Variants in SYT16 observed in about 807,000 individuals in gnomAD.
The protein encoded by SYT16 is synaptotagmin 16, also known as synaptotagmin-16.
Under a neutral mutation model 61.4 loss-of-function variants are expected in SYT16, and 42 were observed. The ratio of observed to expected loss-of-function variants is 0.68; its 90% CI spans 0.53 to 0.89. SYT16 has a LOEUF of 0.89. Among genes scored for constraint, SYT16 ranks in the 40% least tolerant of loss-of-function variants. The probability of loss-of-function intolerance (pLI) is 0.00; values close to 1 mark genes in which losing one functional copy is unlikely to be tolerated. For missense variants in SYT16, 804 were observed against 807.3 expected, an observed-to-expected ratio of 1.00 and a Z score of 0.05; for synonymous variants, 314 against 302.3, an observed-to-expected ratio of 1.04 and a Z score of -0.40.
intron 1 of SYT16, among the ~76,000 whole-genome samples, chr14:61,922,435 A>G (rs1369575835): frequency 1.3e-5 from 2 of 152,212 alleles, no homozygotes; most frequent in African/African-American, 4.8e-5. Flanking sequence ...TCAGGAACAG[A>G]AAACCAAATA....
chr14:61,991,612 C>G (rs1396399691), intron 2 of SYT16, among the ~76,000 whole-genome samples: 1 of 152,112 alleles, frequency 6.6e-6, no homozygotes, highest in African/African-American at 2.4e-5. Flanking sequence ...CAGATTCTAG[C>G]TGTAGGTTTC....
chr14:62,002,761 A>T (rs934130479), intron 3 of SYT16, among the ~76,000 whole-genome samples: 1 of 152,136 alleles, frequency 6.6e-6, no homozygotes, highest in Non-Finnish European at 1.5e-5. Flanking sequence ...TTGCTGTTGT[A>T]TTAGTGCATT....
At chr14:61,929,654 T>C (rs971400029) in intron 1 of SYT16, among the ~76,000 whole-genome samples, 1 of 152,230 alleles carries the variant, frequency 6.6e-6, no homozygotes, top group African/African-American at 2.4e-5. Flanking sequence ...TGCTGGAGCA[T>C]TGATGTCTCT....
intron 3 of SYT16, among the ~76,000 whole-genome samples, chr14:62,010,650 G>C (rs1044424309): frequency 6.6e-6 from 1 of 152,098 alleles, no homozygotes; most frequent in Non-Finnish European, 1.5e-5. Flanking sequence ...TCAGGTATAG[G>C]ATCATCACAG....
intron 1 of SYT16, among the ~76,000 whole-genome samples, chr14:61,864,476 G>A (rs531346699): frequency 6.6e-6 from 1 of 152,380 alleles, no homozygotes; most frequent in South Asian, 2.1e-4. Flanking sequence ...GTCCACTGGC[G>A]CAGTACTTGG....
At chr14:61,890,463 G>A (rs933031479) in intron 1 of SYT16, among the ~76,000 whole-genome samples, 4 of 150,188 alleles carry the variant, frequency 2.7e-5, no homozygotes, top group Non-Finnish European at 5.9e-5. Flanking sequence ...GTAGTTGGGT[G>A]GTCTTAAATA....
chr14:62,010,795 A>G (rs1025312582), intron 3 of SYT16, among the ~76,000 whole-genome samples: 3 of 152,106 alleles, frequency 2.0e-5, no homozygotes, highest in African/African-American at 7.2e-5. Context: ...TTAAGCTGTA[A>G]TATCAGAGCC....
chr14:61,969,545 A>G (rs1180642784), intron 1 of SYT16, among the ~76,000 whole-genome samples: 1 of 152,234 alleles, frequency 6.6e-6, no homozygotes, highest in Non-Finnish European at 1.5e-5. Context: ...CAAAACTACA[A>G]TTTGCATTTC....
chr14:61,958,749 T>C (rs1419567146), intron 1 of SYT16, among the ~76,000 whole-genome samples: 3 of 152,102 alleles, frequency 2.0e-5, no homozygotes, highest in Non-Finnish European at 4.4e-5. Context: ...GAATGTTCTG[T>C]ATGTATCTGT....
At chr14:61,976,713 TTGTCCTCCTAGGACTC>T (rs1302305037) in intron 2 of SYT16, among the ~76,000 whole-genome samples, 3 of 152,022 alleles carry the variant, frequency 2.0e-5, no homozygotes, top group African/African-American at 7.2e-5. Flanking sequence ...CAAAAACATT[TTGTCCTCCTAGGACTC>T]TGAGCCTGTG....
intron 1 of SYT16, among the ~76,000 whole-genome samples, chr14:61,944,116 G>C (rs964779942): frequency 6.6e-6 from 1 of 152,144 alleles, no homozygotes; most frequent in Non-Finnish European, 1.5e-5. Flanking sequence ...CAAATCATGA[G>C]TGAATTCCCA....
intron 1 of SYT16, among the ~76,000 whole-genome samples, chr14:61,829,149 T>C (rs1363629320): frequency 6.6e-6 from 1 of 152,236 alleles, no homozygotes; most frequent in Non-Finnish European, 1.5e-5. Flanking sequence ...TTATGAGTGA[T>C]ATTTTAGTAG....
chr14:62,099,470 T>C (rs78075158), intron 7 of SYT16, among the ~76,000 whole-genome samples: 29 of 152,290 alleles, frequency 1.9e-4, no homozygotes, highest in African/African-American at 6.7e-4. Flanking sequence ...TGGTGAATGA[T>C]GCTGCTATTC....
chr14:61,876,209 G>A (rs2047485743), intron 1 of SYT16, among the ~76,000 whole-genome samples: 1 of 152,126 alleles, frequency 6.6e-6, no homozygotes, highest in Admixed American at 6.5e-5. Flanking sequence ...TTGCTTTTTG[G>A]TTAAAAATGC....
At chr14:62,093,267 A>T (rs763783672) in intron 7 of SYT16, among the ~76,000 whole-genome samples, 2 of 152,158 alleles carry the variant, frequency 1.3e-5, no homozygotes, top group Non-Finnish European at 2.9e-5. Flanking sequence ...ATAAATGAGA[A>T]TAAAGCAAAT....
intron 1 of SYT16, among the ~76,000 whole-genome samples, chr14:61,849,081 C>T (rs2046530993): frequency 6.6e-6 from 1 of 152,180 alleles, no homozygotes; most frequent in Non-Finnish European, 1.5e-5. Flanking sequence ...TCCCTTCTGG[C>T]CCAAGCTTGC....
Position 61,918,530 on chromosome 14 carries a change from C to A in SYT16, c.-324-51602C>A, listed in dbSNP as rs1330728173. Among the ~76,000 whole-genome samples the A allele has an allele frequency of 2.6e-5, 4 of 152,148 alleles. No individual in the cohort carries two copies. The East Asian group carries it at 7.7e-4, about 29-fold the overall frequency. ...ATGGTATATTCTTATGTTGAAAATACCTAGTAGCCTGTAAGAATTATATTT... is the reference window on the plus strand; with the variant it reads ...ATGGTATATTCTTATGTTGAAAATAACTAGTAGCCTGTAAGAATTATATTT... On this transcript the variant is annotated intron_variant, in intron 1 of 7. Transcript: ENST00000683842.
intron 3 of SYT16, among the ~76,000 whole-genome samples, chr14:62,044,166 C>T (rs1218315699): frequency 6.6e-6 from 1 of 150,948 alleles, no homozygotes; most frequent in Non-Finnish European, 1.5e-5. Context: ...TACCACTGCA[C>T]TCCAGCCTGG....
chr14:61,947,267 CGTGTGTGTGTGTGTGTGT>C (rs59798244), intron 1 of SYT16, among the ~76,000 whole-genome samples: 6 of 125,842 alleles, frequency 4.8e-5, no homozygotes, highest in African/African-American at 1.2e-4. Flanking sequence ...TTTAGTCCTT[CGTGTGTGTGTGTGTGTGT>C]GTGTGTGTGT....
Sources: allele counts gnomAD v4.1 joint callset (sites outside exome capture counted in the v4.1 genomes callset), GRCh38; gene constraint gnomAD v4.1.1; transcripts MANE v1.5; gene names NCBI Gene and HGNC (gene_info 2026-07-23, HGNC 2026-07-21).